Variants in TET2 observed in about 807,000 individuals in gnomAD.
The protein encoded by TET2 is tet methylcytosine dioxygenase 2, also known as methylcytosine dioxygenase TET2.
A neutral mutation model predicts 142.9 loss-of-function variants in TET2; 299 were observed. The ratio of observed to expected loss-of-function variants is 2.09; its 90% confidence interval spans 1.90 to 2.30. The LOEUF is 2.30. TET2 is among the 30% of genes most tolerant of loss of function. TET2 has a pLI of 0.00. For missense variants in TET2, 2,418 were observed against 2,378.0 expected (o/e 1.02, Z -0.35); for synonymous variants, 819 against 849.0 (o/e 0.96, Z 0.61).
intron 2 of TET2, among the ~76,000 whole-genome samples, chr4:105,207,736 A>G (rs1726915049): frequency 6.6e-6 from 1 of 152,176 alleles, no homozygotes; most frequent in Non-Finnish European, 1.5e-5. Context: ...TAGGAACCAA[A>G]TTTAACTTTA....
intron 6 of TET2, among the ~76,000 whole-genome samples, chr4:105,250,476 C>G (rs1729816633): frequency 6.9e-6 from 1 of 145,922 alleles, no homozygotes; most frequent in South Asian, 2.2e-4. Context: ...AGAGATCCTC[C>G]CTCCTAGGCT....
chr4:105,224,506 C>T (rs1471524172), intron 2 of TET2, among the ~76,000 whole-genome samples: 1 of 151,962 alleles, frequency 6.6e-6, no homozygotes. Context: ...TTCAGAGAGG[C>T]GGGAGAAGGA....
chr4:105,242,890 A>C lies in TET2; in HGVS notation c.3557A>C (p.Glu1186Ala). ...GAAAGAGTCATCTATACTGGTAAAG[A>C]AGGCAAAAGTTCTCAGGGATGTCCT... is the stretch of plus-strand genomic sequence containing the variant. ...RIERVIYTGK[E>A]GKSSQGCPIA... Residue 1186 changes from glutamate to alanine, a missense_variant, in exon 5 of 11, where the codon GAA becomes GCA. Physicochemically the swap from Glu to Ala is moderately radical, Grantham distance 107. Coordinates refer to ENST00000380013, the MANE Select transcript of TET2 (RefSeq NM_001127208.3). 1 of 1,551,590 alleles carries C rather than the reference A, an allele frequency of 6.4e-7. No homozygotes were observed. The highest frequency in any genetic ancestry group is 8.7e-7 in the Non-Finnish European group (1 of 1,146,934).
intron 2 of TET2, among the ~76,000 whole-genome samples, chr4:105,216,533 A>C (rs1007202328): frequency 6.6e-5 from 10 of 152,084 alleles, no homozygotes; most frequent in African/African-American, 2.4e-4. Context: ...GAAAGGGGGT[A>C]AGCTACAACT....
chr4:105,237,638 A>T (rs189481681), intron 3 of TET2: 1 of 1,416,182 alleles, frequency 7.1e-7, no homozygotes, highest in Non-Finnish European at 9.2e-7. Context: ...TTTTAGATCA[A>T]TTCGCCTATT....
intron 6 of TET2, among the ~76,000 whole-genome samples, chr4:105,247,208 T>C (rs1729622925): frequency 6.6e-6 from 1 of 152,188 alleles, no homozygotes; most frequent in South Asian, 2.1e-4. Context: ...CTCCCACTAG[T>C]GTTTGAAAGC....
intron 2 of TET2, among the ~76,000 whole-genome samples, chr4:105,222,862 G>A (rs531039940): frequency 1.6e-3 from 245 of 151,874 alleles, no homozygotes; most frequent in African/African-American, 5.7e-3. Context: ...TAACGTTTAA[G>A]TCTTTAATCC....
intron 6 of TET2, among the ~76,000 whole-genome samples, chr4:105,256,563 T>C (rs1045688635): frequency 9.2e-5 from 14 of 152,206 alleles, no homozygotes; most frequent in Non-Finnish European, 1.6e-4. Context: ...ATGATGTTTA[T>C]ATGTATGCAT....
rs1390490363 is a variant in TET2, at chr4:105,235,880, A to G, written c.1938A>G (p.Thr646=). ...TGAATCAAGGGCAGTCCCAAGGTAC[A>G]GTGGACCAACATCTCCAGTTCCAAA... ...VEMNQGQSQG[T]VDQHLQFQKP... The change falls in exon 3 of 11, where the codon ACA becomes ACG. Residue 646 remains threonine (T), a synonymous_variant. Coordinates refer to ENST00000380013, the MANE Select transcript of TET2 (RefSeq NM_001127208.3). 5.0e-6 allele frequency: 8 copies of G among 1,613,942 alleles called. No homozygotes were observed. The highest frequency in any genetic ancestry group is 2.2e-5 in the East Asian group (1 of 44,838).
chr4:105,186,924 A>G (rs1725490948), intron 1 of TET2, among the ~76,000 whole-genome samples: 1 of 152,220 alleles, frequency 6.6e-6, no homozygotes, highest in South Asian at 2.1e-4. Context: ...ACTATATTCT[A>G]GCAAGAGACT....
At chr4:105,266,065 G>GTATT (rs1036414902) in intron 8 of TET2, among the ~76,000 whole-genome samples, 2 of 152,140 alleles carry the variant, frequency 1.3e-5, no homozygotes, top group African/African-American at 2.4e-5. Context: ...CTTCAGCTGA[G>GTATT]TATTAAACAG....
chr4:105,222,401 G>A (rs1352022888), intron 2 of TET2, among the ~76,000 whole-genome samples: 8 of 152,140 alleles, frequency 5.3e-5, no homozygotes, highest in Admixed American at 1.3e-4. Context: ...TTTAATGATC[G>A]CCATTCTAAC....
chr4:105,235,996 A>G lies in TET2; in HGVS notation c.2054A>G (p.Gln685Arg), dbSNP rs1253332561. Residue 685 changes from glutamine to arginine, a missense_variant, in exon 3 of 11, where the codon CAA (glutamine) becomes CGA (arginine). Transcript: ENST00000380013. ...SLCGTRFHFQ[Q>R]RADSQTEKLM... ...TGTGGCACTAGATTTCATTTTCAAC[A>G]AAGAGCAGATTCCCAAACTGAAAAA... 2.5e-6 allele frequency: 4 copies of G among 1,614,200 alleles called. No homozygotes were observed. In the Admixed American group the frequency reaches 5.0e-5, roughly 20 times the overall value.
intron 9 of TET2, 60 bp from the exon 10 acceptor site, chr4:105,272,504 C>A: frequency 8.6e-7 from 1 of 1,160,186 alleles, no homozygotes. Context: ...GATACACACA[C>A]ACACACACGT....
At chr4:105,246,920 G>T (rs1012709570) in intron 6 of TET2, among the ~76,000 whole-genome samples, 1 of 152,174 alleles carries the variant, frequency 6.6e-6, no homozygotes, top group African/African-American at 2.4e-5. Flanking sequence ...CTTCTTTAAA[G>T]ATTTCCCTTT....
rs138212985 is a variant in TET2 at position 105,150,350 on chromosome 4, A to G, written c.-193+3371A>G. On this transcript the variant is annotated intron_variant, in intron 1 of 10. Coordinates refer to ENST00000380013, the MANE Select transcript of TET2 (RefSeq NM_001127208.3). Reference sequence around the variant, plus strand: ...AAATTGTTTTTGTTGTTATTGTTTTAATAGAATTTCATAGTCTTATCTAGC... The same window carrying G: ...AAATTGTTTTTGTTGTTATTGTTTTGATAGAATTTCATAGTCTTATCTAGC... 9.8e-4 allele frequency among the ~76,000 whole-genome samples: 150 copies of G among 152,300 alleles called. 1 individual carries two copies. The highest frequency in any genetic ancestry group is 3.5e-3 in the African/African-American group (145 of 41,554).
At chr4:105,242,129 A>C in intron 4 of TET2, 1 of 1,165,998 alleles carries the variant, frequency 8.6e-7, no homozygotes, top group Non-Finnish European at 1.1e-6. Context: ...AGTACTTAGG[A>C]TACATTGGGG....
intron 1 of TET2, among the ~76,000 whole-genome samples, chr4:105,167,379 T>C (rs542342995): frequency 2.0e-5 from 3 of 152,126 alleles, no homozygotes; most frequent in East Asian, 3.9e-4. Context: ...TGTACACATA[T>C]ACATATGCGT....
rs539328341 is a variant in TET2, at chr4:105,169,092, A to G, written c.-192-21268A>G. Among the ~76,000 whole-genome samples the G allele has an allele frequency of 1.2e-4, 19 of 152,320 alleles. No individual in the cohort carries two copies. In the East Asian group the frequency reaches 3.5e-3, roughly 28 times the overall value. ...ATATAATGACTTTTTTCCTCTGGGT[A>G]GATACCCAGTAGTGGGATTGCTGGA... On this transcript the variant is annotated intron_variant, in intron 1 of 10. Coordinates refer to ENST00000380013, the MANE Select transcript of TET2 (RefSeq NM_001127208.3).
Sources: gnomAD v4.1 joint callset for allele counts (sites outside exome capture counted in the v4.1 genomes callset) on GRCh38, gnomAD v4.1.1 for gene constraint, MANE v1.5 for transcripts, NCBI Gene and HGNC (gene_info 2026-07-23, HGNC 2026-07-21) for gene names.